The following TGFA variants were observed in gnomAD, a reference collection of about 807,000 sequenced individuals.
TGFA encodes the protein transforming growth factor alpha, also known as protransforming growth factor alpha.
Under a neutral mutation model 21.7 loss-of-function variants are expected in TGFA, and 12 were observed. The observed-to-expected ratio is 0.55, with a 90% confidence interval of 0.35 to 0.90. The LOEUF (loss-of-function observed/expected upper bound fraction) is 0.90, where lower values mean the gene tolerates loss of function less well. TGFA is among the 40% of genes least tolerant of loss of function. TGFA has a pLI of 0.01. For synonymous variants in TGFA, 79 were observed against 88.1 expected (o/e 0.90, Z 0.58); for missense variants, 178 against 210.8 (o/e 0.84, Z 0.96).
At chr2:70,524,864 G>T (rs1222960283) in intron 1 of TGFA, among the ~76,000 whole-genome samples, 1 of 152,198 alleles carries the variant, frequency 6.6e-6, no homozygotes, top group Admixed American at 6.5e-5. Flanking sequence ...CCTCTGGAAG[G>T]ATCCATGGGG....
chr2:70,457,296 G>A (rs1317093541), intron 3 of TGFA, among the ~76,000 whole-genome samples: 2 of 152,140 alleles, frequency 1.3e-5, no homozygotes, highest in Non-Finnish European at 2.9e-5. Flanking sequence ...ACGGCCCCCT[G>A]CTATGCCCAG....
chr2:70,450,566 A>G lies in TGFA; in HGVS notation c.*293T>C, dbSNP rs1467635059. On this transcript the variant is annotated 3_prime_UTR_variant, in exon 6 of 6. Transcript: ENST00000295400. ...CTGCACACATGTGGACTCAGACACCAACTGCTGCACACACCTCACCTAGGT... is the reference window on the plus strand; with the variant it reads ...CTGCACACATGTGGACTCAGACACCGACTGCTGCACACACCTCACCTAGGT... 3.0e-5 allele frequency: 12 copies of G among 404,028 alleles called. No homozygotes were observed. Among genetic ancestry groups the G allele is most frequent in the Non-Finnish European group, 4.6e-5 (10 of 219,264 alleles). The allele number at this position is 404,028 out of a possible 1,614,324, so 25.0% of individuals were successfully genotyped here.
At chr2:70,519,357 C>G (rs1672381678) in intron 1 of TGFA, among the ~76,000 whole-genome samples, 1 of 152,238 alleles carries the variant, frequency 6.6e-6, no homozygotes, top group African/African-American at 2.4e-5. Flanking sequence ...ATGGCATCTT[C>G]CCTTATGAAT....
In TGFA at chr2:70,448,646, C is replaced by T. The variant is rs1375900991; in HGVS notation, c.*2213G>A. On this transcript the variant is annotated 3_prime_UTR_variant, in exon 6 of 6. Coordinates refer to ENST00000295400, the MANE Select transcript of TGFA (RefSeq NM_003236.4). The stretch of plus-strand genomic sequence containing the variant: ...TAAGCCAGGCTGTTCTATCCTGAGG[C>T]ATGGACAATGGTCCAACCAGGCTTG... 1 of 152,224 alleles carries T rather than the reference C, an allele frequency of 6.6e-6. No individual in the cohort carries two copies. The highest frequency in any genetic ancestry group is 2.4e-5 in the African/African-American group (1 of 41,448). 9.4% of individuals were successfully genotyped at this position (152,224 alleles called of 1,614,324 possible).
chr2:70,458,967 G>T (rs1670328528), intron 3 of TGFA, among the ~76,000 whole-genome samples: 1 of 152,230 alleles, frequency 6.6e-6, no homozygotes, highest in Non-Finnish European at 1.5e-5. Context: ...ACCAGGAGTT[G>T]TGGACAAGCC....
chr2:70,487,267 C>G (rs1671297595), intron 2 of TGFA, among the ~76,000 whole-genome samples: 1 of 152,198 alleles, frequency 6.6e-6, no homozygotes, highest in Admixed American at 6.5e-5. Context: ...AACGATACTA[C>G]TCATGAACAC....
In TGFA at chr2:70,515,423, A is replaced by G. The variant is rs114621362; in HGVS notation, c.41-511T>C. 3.3e-3 allele frequency among the ~76,000 whole-genome samples: 497 copies of G among 152,264 alleles called. 3 individuals carry two copies. Among genetic ancestry groups the G allele is most frequent in the African/African-American group, 0.012 (479 of 41,542 alleles). On this transcript the variant is annotated intron_variant, in intron 1 of 5. Coordinates refer to ENST00000295400, the MANE Select transcript of TGFA (RefSeq NM_003236.4). ...CCTCTCACAGGTATACCCCAGGGACAGAGTGTGTAAGGGAGCAAAGGACCC... is the reference window on the plus strand; with the variant it reads ...CCTCTCACAGGTATACCCCAGGGACGGAGTGTGTAAGGGAGCAAAGGACCC...
intron 3 of TGFA, chr2:70,461,828 A>G (rs565423625): frequency 6.6e-6 from 1 of 152,366 alleles, no homozygotes; most frequent in South Asian, 2.1e-4. Flanking sequence ...AGGGAGCTGT[A>G]AAATACCATC....
intron 2 of TGFA, among the ~76,000 whole-genome samples, chr2:70,512,223 T>C (rs959509776): frequency 2.0e-5 from 3 of 152,208 alleles, no homozygotes; most frequent in South Asian, 2.1e-4. Flanking sequence ...GATTCATGTC[T>C]GGGTCTCATG....
At chr2:70,453,067 A>G in intron 5 of TGFA, 151 bp downstream of exon 5, 3 of 688,472 alleles carry the variant, frequency 4.4e-6, no homozygotes, top group Non-Finnish European at 7.1e-6. Flanking sequence ...GGCACCTATG[A>G]ATAAACTAAA....
chr2:70,529,681 G>A (rs943657942), intron 1 of TGFA, among the ~76,000 whole-genome samples: 11 of 152,022 alleles, frequency 7.2e-5, no homozygotes, highest in Non-Finnish European at 1.0e-4. Flanking sequence ...TGGGGCAGAC[G>A]CCTCCAGTGG....
intron 1 of TGFA, among the ~76,000 whole-genome samples, chr2:70,533,760 A>T (rs1360018914): frequency 6.6e-6 from 1 of 152,210 alleles, no homozygotes; most frequent in East Asian, 1.9e-4. Flanking sequence ...AATCTGCTTC[A>T]AGTAATTCAG....
chr2:70,519,830 G>A (rs782115893), intron 1 of TGFA, among the ~76,000 whole-genome samples: 1 of 152,226 alleles, frequency 6.6e-6, no homozygotes, highest in Non-Finnish European at 1.5e-5. Context: ...AGAGAGATGG[G>A]CAGATGGGTG....
At chr2:70,462,440 G>C (rs1559100765) in intron 3 of TGFA, among the ~76,000 whole-genome samples, 1 of 152,202 alleles carries the variant, frequency 6.6e-6, no homozygotes, top group Non-Finnish European at 1.5e-5. Context: ...AGTGTAAGCA[G>C]AGCAGCAGGG....
intron 2 of TGFA, among the ~76,000 whole-genome samples, chr2:70,514,610 G>A (rs1393081894): frequency 6.6e-6 from 1 of 152,134 alleles, no homozygotes; most frequent in African/African-American, 2.4e-5. Flanking sequence ...CACAGGAATT[G>A]TCTGAACAGC....
intron 1 of TGFA, among the ~76,000 whole-genome samples, chr2:70,521,885 T>A (rs1446177685): frequency 2.6e-5 from 4 of 152,086 alleles, no homozygotes; most frequent in African/African-American, 7.2e-5. Context: ...AGTGCTGGGA[T>A]TACAGGCGCA....
At chr2:70,527,295 T>G (rs1672665903) in intron 1 of TGFA, among the ~76,000 whole-genome samples, 1 of 152,210 alleles carries the variant, frequency 6.6e-6, no homozygotes, top group Admixed American at 6.5e-5. Context: ...TCAAGTCACA[T>G]AGAGAAAGCT....
chr2:70,536,988 TTTTC>T (rs781891366), intron 1 of TGFA, among the ~76,000 whole-genome samples: 17 of 133,684 alleles, frequency 1.3e-4, no homozygotes, highest in Middle Eastern at 4.1e-3. Context: ...TCTTTTTTCT[TTTTC>T]TTTTTCTTTT....
chr2:70,495,718 A>G (rs1418923712), intron 2 of TGFA, among the ~76,000 whole-genome samples: 3 of 152,036 alleles, frequency 2.0e-5, no homozygotes, highest in African/African-American at 7.2e-5. Flanking sequence ...TATTTGAGGG[A>G]GATTCTTTTA....
Sources: allele counts gnomAD v4.1 joint callset (sites outside exome capture counted in the v4.1 genomes callset), GRCh38; gene constraint gnomAD v4.1.1; transcripts MANE v1.5; gene names NCBI Gene and HGNC (gene_info 2026-07-23, HGNC 2026-07-21).